The following IQCM variants were observed in gnomAD, a reference collection of about 807,000 sequenced individuals.
IQCM encodes IQ domain-containing protein M.
A neutral mutation model predicts 57.6 loss-of-function variants in IQCM; 45 were observed. The ratio of observed to expected loss-of-function variants is 0.78; its 90% CI spans 0.62 to 1.00. The LOEUF (loss-of-function observed/expected upper bound fraction) is 1.00. Ranked by LOEUF, IQCM falls within the 50% of genes least tolerant of loss-of-function variation. IQCM has a pLI of 0.00. For synonymous variants in IQCM, 148 were observed against 158.9 expected, an observed-to-expected ratio of 0.93 and a Z score of 0.51; for missense variants, 468 against 511.6, an observed-to-expected ratio of 0.91 and a Z score of 0.82.
chr4:149,388,370 T>A lies in IQCM; in HGVS notation c.1391-36304A>T, dbSNP rs76600261. On this transcript the variant is annotated intron_variant, in intron 13 of 13. Coordinates refer to ENST00000636793, the MANE Select transcript of IQCM (RefSeq NM_001363507.2). ...TATGAATACATTCATTAATACTGAC[T>A]TTCTTATTTTGCCATCATAGTGAGC... is the stretch of plus-strand genomic sequence containing the variant. 9.4e-3 allele frequency among the ~76,000 whole-genome samples: 1,415 copies of A among 151,276 alleles called. 16 individuals carry two copies. The highest frequency in any genetic ancestry group is 0.033 in the African/African-American group (1,343 of 41,312).
At chr4:149,717,133 G>A (rs762842885) in intron 5 of IQCM, among the ~76,000 whole-genome samples, 2 of 152,194 alleles carry the variant, frequency 1.3e-5, no homozygotes, top group Non-Finnish European at 2.9e-5. Flanking sequence ...CATTCTGTGA[G>A]CTGAGAAAAT....
chr4:149,509,429 C>T (rs1279695144), intron 12 of IQCM, among the ~76,000 whole-genome samples: 2 of 152,030 alleles, frequency 1.3e-5, no homozygotes, highest in Admixed American at 1.3e-4. Context: ...CAGGCATGCA[C>T]AATTATGCTC....
At chr4:149,422,299 A>C (rs1734172514) in intron 13 of IQCM, among the ~76,000 whole-genome samples, 1 of 151,980 alleles carries the variant, frequency 6.6e-6, no homozygotes, top group African/African-American at 2.4e-5. Flanking sequence ...AAAATGCATG[A>C]TCAGAGCTTT....
At chr4:149,467,687 A>G (rs923904940) in intron 12 of IQCM, among the ~76,000 whole-genome samples, 1 of 152,228 alleles carries the variant, frequency 6.6e-6, no homozygotes, top group Non-Finnish European at 1.5e-5. Flanking sequence ...GAACAAGTGA[A>G]GAGCATAGCT....
intron 7 of IQCM, among the ~76,000 whole-genome samples, chr4:149,677,104 G>C (rs905845160): frequency 2.0e-5 from 3 of 152,046 alleles, no homozygotes; most frequent in Non-Finnish European, 2.9e-5. Context: ...TTTGACACTG[G>C]AAAAGTGAGA....
intron 3 of IQCM, among the ~76,000 whole-genome samples, chr4:149,737,225 G>A (rs148054359): frequency 6.6e-4 from 101 of 152,304 alleles, no homozygotes; most frequent in African/African-American, 2.2e-3. Flanking sequence ...TTTCTGGAGT[G>A]ATGGGAATGT....
intron 7 of IQCM, among the ~76,000 whole-genome samples, chr4:149,675,062 T>C (rs1199901468): frequency 2.0e-5 from 3 of 152,058 alleles, no homozygotes; most frequent in Non-Finnish European, 4.4e-5. Flanking sequence ...TTGGAGAATG[T>C]ATGTATTATG....
intron 8 of IQCM, among the ~76,000 whole-genome samples, chr4:149,613,885 C>T (rs1359092453): frequency 1.3e-5 from 2 of 152,104 alleles, no homozygotes; most frequent in African/African-American, 2.4e-5. Context: ...CATGTCCCTA[C>T]AAAGGACATG....
At chr4:149,463,733 C>G (rs554027038) in intron 12 of IQCM, among the ~76,000 whole-genome samples, 6 of 152,038 alleles carry the variant, frequency 3.9e-5, no homozygotes, top group South Asian at 4.2e-4. Flanking sequence ...TTACAAGATG[C>G]CTATAACATT....
At chr4:149,438,629 A>C (rs1735606513) in intron 12 of IQCM, among the ~76,000 whole-genome samples, 1 of 152,136 alleles carries the variant, frequency 6.6e-6, no homozygotes, top group Admixed American at 6.6e-5. Context: ...AGTAATATTT[A>C]AAAACGAGGA....
chr4:149,642,934 G>T (rs573251172), intron 7 of IQCM, among the ~76,000 whole-genome samples: 119 of 152,208 alleles, frequency 7.8e-4, no homozygotes, highest in African/African-American at 2.8e-3. Flanking sequence ...TATAGTACCT[G>T]CCCTAGAGTG....
chr4:149,650,315 G>T (rs1273467997), intron 7 of IQCM, among the ~76,000 whole-genome samples: 1 of 151,652 alleles, frequency 6.6e-6, no homozygotes, highest in Non-Finnish European at 1.5e-5. Context: ...CGGGCTACCA[G>T]AAGCTAAAAA....
At chr4:149,657,089 A>C (rs1759702778) in intron 7 of IQCM, among the ~76,000 whole-genome samples, 2 of 152,118 alleles carry the variant, frequency 1.3e-5, no homozygotes, top group Non-Finnish European at 2.9e-5. Flanking sequence ...CCTACTGTGC[A>C]ACAGAACACC....
intron 13 of IQCM, among the ~76,000 whole-genome samples, chr4:149,371,310 C>A (rs1224403263): frequency 6.6e-6 from 1 of 152,156 alleles, no homozygotes; most frequent in Non-Finnish European, 1.5e-5. Context: ...GCAGTAACAT[C>A]GACTCTGCCT....
At chr4:149,677,910 C>G (rs1042323294) in intron 7 of IQCM, among the ~76,000 whole-genome samples, 4 of 151,564 alleles carry the variant, frequency 2.6e-5, no homozygotes, top group Non-Finnish European at 5.9e-5. Context: ...TCATTAGAAG[C>G]TCTCAACAGA....
At chr4:149,498,842 G>A (rs192978681) in intron 12 of IQCM, among the ~76,000 whole-genome samples, 71 of 152,178 alleles carry the variant, frequency 4.7e-4, no homozygotes, top group Middle Eastern at 3.4e-3. Flanking sequence ...AAAGCCCACC[G>A]GTTTGGGTTA....
At chr4:149,777,633 C>T (rs1771215649) in intron 2 of IQCM, among the ~76,000 whole-genome samples, 1 of 152,142 alleles carries the variant, frequency 6.6e-6, no homozygotes, top group African/African-American at 2.4e-5. Context: ...GCATGGTACT[C>T]CTCAAGAATA....
At chr4:149,651,590 A>T (rs897262033) in intron 7 of IQCM, among the ~76,000 whole-genome samples, 1 of 152,232 alleles carries the variant, frequency 6.6e-6, no homozygotes, top group African/African-American at 2.4e-5. Context: ...AAAAAATTTT[A>T]AATGAACTAA....
intron 2 of IQCM, among the ~76,000 whole-genome samples, chr4:149,781,305 T>C (rs1299042107): frequency 6.6e-6 from 1 of 152,178 alleles, no homozygotes; most frequent in African/African-American, 2.4e-5. Context: ...ATAAATAATT[T>C]AGAAGTTTTA....
Sources: allele counts gnomAD v4.1 joint callset (sites outside exome capture counted in the v4.1 genomes callset), GRCh38; gene constraint gnomAD v4.1.1; transcripts MANE v1.5; gene names NCBI Gene and HGNC (gene_info 2026-07-23, HGNC 2026-07-21).